The following KMT2C variants were observed in gnomAD, a reference collection of about 807,000 sequenced individuals.
The protein encoded by KMT2C is histone-lysine N-methyltransferase 2C.
KMT2C carries 88 observed loss-of-function variants against 507.9 expected under a neutral mutation model. The ratio of observed to expected loss-of-function variants is 0.17; its 90% confidence interval spans 0.15 to 0.21. The LOEUF (loss-of-function observed/expected upper bound fraction) is 0.21, where lower values mean the gene tolerates loss of function less well. Among genes scored for constraint, KMT2C ranks in the 10% least tolerant of loss-of-function variants. KMT2C has a pLI of 1.00. For missense variants in KMT2C, 4,954 were observed against 5,957.8 expected, an observed-to-expected ratio of 0.83 and a Z score of 5.55; for synonymous variants, 2,049 against 2,080.8, an observed-to-expected ratio of 0.98 and a Z score of 0.42.
At chr7:152,207,728 G>T (rs2094346790) in intron 23 of KMT2C, among the ~76,000 whole-genome samples, 1 of 151,974 alleles carries the variant, frequency 6.6e-6, no homozygotes, top group African/African-American at 2.4e-5. Flanking sequence ...ATGTCTTCAG[G>T]TCCAGGTCTC....
Position 152,368,185 on chromosome 7 carries a change from C to A in KMT2C, c.162-9510G>T, listed in dbSNP as rs2097262839. ...TGCTGCTGAAGTTGAAAATGGTGAA[C>A]ATTGTGATTTTACAATTCTAAGAAA... is the stretch of plus-strand genomic sequence containing the variant. On this transcript the variant is annotated intron_variant, in intron 1 of 58. Transcript: ENST00000262189. 46 of 900,576 alleles carry A rather than the reference C, an allele frequency of 5.1e-5. No homozygotes were observed. The South Asian group carries it at 5.5e-4, about 11-fold the overall frequency. 55.8% of individuals were successfully genotyped at this position (900,576 alleles called of 1,614,324 possible).
intron 4 of KMT2C, among the ~76,000 whole-genome samples, chr7:152,313,436 T>G (rs368071568): frequency 2.0e-5 from 3 of 152,242 alleles, no homozygotes; most frequent in Admixed American, 6.5e-5. Context: ...ATATACCATA[T>G]CAGTAAGATA....
rs1491309235 is a variant in KMT2C, at chr7:152,178,015, T to TTAAAAAAAAAAAAAAAA, written c.7443-6_7443-5insTTTTTTTTTTTTTTTTA. On this transcript the variant is annotated splice_polypyrimidine_tract_variant and splice_region_variant and intron_variant, in intron 37 of 58. Coordinates refer to ENST00000262189, the MANE Select transcript of KMT2C (RefSeq NM_170606.3). ...CTACCTCCTGGAAATCCAAATCTTT[T>TTAAAAAAAAAAAAAAAA]AAAAAAAAAAAAAAAAAAAAAAAAA... The TTAAAAAAAAAAAAAAAA allele has an allele frequency of 2.7e-5, 22 of 811,074 alleles. 1 individual carries two copies. In the African/African-American group the frequency reaches 2.8e-4, roughly 10 times the overall value. The allele number at this position is 811,074 out of a possible 1,614,324, so 50.2% of individuals were successfully genotyped here.
At chr7:152,419,626 A>G (rs1001421506) in intron 1 of KMT2C, among the ~76,000 whole-genome samples, 1 of 152,124 alleles carries the variant, frequency 6.6e-6, no homozygotes, top group African/African-American at 2.4e-5. Flanking sequence ...ATGGCTCCCT[A>G]TTGTTTACAG....
At chr7:152,213,944 C>T (rs1457979362) in intron 23 of KMT2C, among the ~76,000 whole-genome samples, 3 of 151,880 alleles carry the variant, frequency 2.0e-5, no homozygotes, top group South Asian at 2.1e-4. Context: ...CAAAGTCACA[C>T]AAATGGTCAA....
chr7:152,415,339 T>TA (rs11393785), intron 1 of KMT2C, among the ~76,000 whole-genome samples: 44,746 of 152,090 alleles, frequency 0.29, 8,816 homozygotes, highest in African/African-American at 0.56. Context: ...TTTGTTTACC[T>TA]ATCTACAAAT....
chr7:152,385,590 C>T (rs2097418107), intron 1 of KMT2C, among the ~76,000 whole-genome samples: 1 of 74,402 alleles, frequency 1.3e-5, no homozygotes, highest in Non-Finnish European at 2.0e-5. Context: ...CCAGCCTGGG[C>T]GACAGAGCGA....
intron 23 of KMT2C, among the ~76,000 whole-genome samples, chr7:152,208,332 C>T (rs1203559601): frequency 6.6e-6 from 1 of 152,210 alleles, no homozygotes; most frequent in Non-Finnish European, 1.5e-5. Flanking sequence ...CCTAACTTAT[C>T]TTTCAGGATT....
intron 1 of KMT2C, among the ~76,000 whole-genome samples, chr7:152,363,076 T>TA (rs539004844): frequency 1.2e-3 from 179 of 152,360 alleles, no homozygotes; most frequent in Non-Finnish European, 1.8e-3. Flanking sequence ...ATAATGGTCA[T>TA]ACTCTTCAAA....
chr7:152,415,647 G>A (rs541010703), intron 1 of KMT2C, among the ~76,000 whole-genome samples: 1 of 152,194 alleles, frequency 6.6e-6, no homozygotes, highest in South Asian at 2.1e-4. Flanking sequence ...TTGGGAGGCC[G>A]AGGCGGGTGG....
intron 6 of KMT2C, among the ~76,000 whole-genome samples, chr7:152,274,285 T>G: frequency 6.6e-6 from 1 of 152,156 alleles, no homozygotes; most frequent in Non-Finnish European, 1.5e-5. Context: ...TTACTATTTT[T>G]TACCCTGCCT....
chr7:152,392,916 GATATC>G (rs2097511055), intron 1 of KMT2C, among the ~76,000 whole-genome samples: 19 of 152,196 alleles, frequency 1.2e-4, no homozygotes, highest in African/African-American at 4.1e-4. Flanking sequence ...GCAACATAGT[GATATC>G]TTGTCTCTAC....
At chr7:152,211,832 A>C (rs775167815) in intron 23 of KMT2C, among the ~76,000 whole-genome samples, 3 of 151,468 alleles carry the variant, frequency 2.0e-5, no homozygotes, top group Non-Finnish European at 2.9e-5. Flanking sequence ...GCGGATCACG[A>C]GGTCAGGAGA....
At chr7:152,360,792 T>C (rs1223365192) in intron 1 of KMT2C, among the ~76,000 whole-genome samples, 2 of 150,826 alleles carry the variant, frequency 1.3e-5, no homozygotes, top group East Asian at 3.9e-4. Flanking sequence ...GAAGTTGCGG[T>C]GAGCCGAGAT....
chr7:152,333,279 A>G (rs961689821), intron 2 of KMT2C, among the ~76,000 whole-genome samples: 2 of 152,020 alleles, frequency 1.3e-5, no homozygotes, highest in African/African-American at 2.4e-5. Flanking sequence ...CCACAGGCAC[A>G]TGTCACCACA....
Position 152,151,022 on chromosome 7 carries a change from G to A in KMT2C, c.12667-15C>T. ...TCTCGGGAATCCTGAAAAGCAAAGA[G>A]AAATGTGTGGGAATCTCAACAAGTC... On this transcript the variant is annotated splice_polypyrimidine_tract_variant and intron_variant, in intron 50 of 58. Coordinates refer to ENST00000262189, the MANE Select transcript of KMT2C (RefSeq NM_170606.3). 1 of 1,483,146 alleles carries A rather than the reference G, an allele frequency of 6.7e-7. No individual in the cohort carries two copies. Among genetic ancestry groups the A allele is most frequent in the South Asian group, 1.2e-5 (1 of 86,326 alleles). 91.9% of individuals were successfully genotyped at this position (1,483,146 alleles called of 1,614,324 possible).
At chr7:152,260,271 C>G (rs2095746877) in intron 9 of KMT2C, among the ~76,000 whole-genome samples, 2 of 152,064 alleles carry the variant, frequency 1.3e-5, no homozygotes, top group Non-Finnish European at 2.9e-5. Flanking sequence ...CTGTCACTCT[C>G]AAAAGAGAAT....
chr7:152,318,942 G>T (rs781558835), intron 3 of KMT2C, among the ~76,000 whole-genome samples: 57 of 152,146 alleles, frequency 3.7e-4, no homozygotes, highest in Non-Finnish European at 2.1e-4. Context: ...ATCTGAAAGA[G>T]ATGGTTAAGC....
chr7:152,375,340 CGA>C (rs1484027926), intron 1 of KMT2C, among the ~76,000 whole-genome samples: 3 of 151,606 alleles, frequency 2.0e-5, no homozygotes, highest in Admixed American at 6.6e-5. Flanking sequence ...CCACACCCAG[CGA>C]GTTTTTTTTA....
Sources: gnomAD v4.1 joint callset for allele counts (sites outside exome capture counted in the v4.1 genomes callset) on GRCh38, gnomAD v4.1.1 for gene constraint, MANE v1.5 for transcripts, NCBI Gene and HGNC (gene_info 2026-07-23, HGNC 2026-07-21) for gene names.